Variants in RNF24 observed in about 807,000 individuals in gnomAD.
RNF24 encodes ring finger protein 24.
RNF24 carries 14 observed loss-of-function variants against 20.0 expected under a neutral mutation model. That is an observed-to-expected ratio of 0.70 (90% CI 0.46 to 1.10). RNF24 has a LOEUF of 1.10. Ranked by LOEUF, RNF24 falls within the 50% of genes least tolerant of loss-of-function variation. The pLI is 0.00. For synonymous variants in RNF24, 45 were observed against 61.1 expected (o/e 0.74, Z 1.23); for missense variants, 124 against 177.6 (o/e 0.70, Z 1.71).
intron 1 of RNF24, among the ~76,000 whole-genome samples, chr20:4,012,775 T>C (rs958446966): frequency 2.6e-5 from 4 of 152,228 alleles, no homozygotes; most frequent in African/African-American, 9.6e-5. Context: ...GGTTCCTTTG[T>C]TGATATTAAA....
At position 3,928,833 on chromosome 20, in the gene RNF24, C is replaced by T. The variant is rs1387510862; in HGVS notation, c.*5230G>A. 7.2e-6 allele frequency: 1 copy of T among 139,294 alleles called. No homozygotes were observed. The highest frequency in any genetic ancestry group is 2.6e-5 in the African/African-American group (1 of 39,006). 8.6% of individuals were successfully genotyped at this position (139,294 alleles called of 1,614,324 possible). On this transcript the variant is annotated 3_prime_UTR_variant, in exon 6 of 6. Coordinates refer to ENST00000358395, the MANE Select transcript of RNF24 (RefSeq NM_001134337.3). ...GAAAACAAGGCATAAAGGGAAAATT[C>T]TGTAGGAAGCATTTTCTTTTCTTGT...
At position 3,933,279 on chromosome 20, in the gene RNF24, C is replaced by CT. The variant is rs1371773494; in HGVS notation, c.*783dup. The CT allele has an allele frequency of 5.0e-6, 2 of 397,784 alleles. No individual in the cohort carries two copies. The highest frequency in any genetic ancestry group is 8.8e-6 in the Non-Finnish European group (2 of 226,100). 24.6% of individuals were successfully genotyped at this position (397,784 alleles called of 1,614,324 possible). On this transcript the variant is annotated 3_prime_UTR_variant, in exon 6 of 6. Transcript: ENST00000358395. ...GGCAGTGGCAGTGGGCTCACAGCAG[C>CT]TACACTGGAACCACAGTGCACATGT... is the stretch of plus-strand genomic sequence containing the variant.
chr20:3,995,196 C>G (rs1382175113), intron 1 of RNF24, among the ~76,000 whole-genome samples: 1 of 152,148 alleles, frequency 6.6e-6, no homozygotes, highest in Non-Finnish European at 1.5e-5. Flanking sequence ...TACCCACATC[C>G]ACCTCTGGGG....
intron 1 of RNF24, among the ~76,000 whole-genome samples, chr20:3,976,998 A>T (rs1978921622): frequency 6.6e-6 from 1 of 152,198 alleles, no homozygotes; most frequent in East Asian, 1.9e-4. Flanking sequence ...TTAAAATAAA[A>T]ATTTTAATTA....
intron 1 of RNF24, among the ~76,000 whole-genome samples, chr20:4,009,889 A>G (rs745519745): frequency 3.9e-5 from 6 of 152,192 alleles, no homozygotes; most frequent in Non-Finnish European, 7.3e-5. Flanking sequence ...TGTTTTAAAA[A>G]TATGTATCCA....
intron 3 of RNF24, among the ~76,000 whole-genome samples, chr20:3,947,839 G>C (rs2091037080): frequency 6.6e-6 from 1 of 152,166 alleles, no homozygotes; most frequent in Admixed American, 6.5e-5. Context: ...CTGAGGTCCA[G>C]AGTTCGAGAC....
intron 4 of RNF24, 132 bp downstream of exon 4, chr20:3,945,045 G>T: frequency 8.4e-7 from 1 of 1,190,886 alleles, no homozygotes. Flanking sequence ...ACCTCACCCT[G>T]AAATATTCTA....
At chr20:3,982,715 T>C (rs2147030438) in intron 1 of RNF24, among the ~76,000 whole-genome samples, 1 of 152,192 alleles carries the variant, frequency 6.6e-6, no homozygotes, top group African/African-American at 2.4e-5. Context: ...AGGGAGACCC[T>C]GTCTCTACAA....
intron 1 of RNF24, among the ~76,000 whole-genome samples, chr20:3,993,680 T>C (rs1980639813): frequency 6.6e-6 from 1 of 152,188 alleles, no homozygotes; most frequent in Non-Finnish European, 1.5e-5. Context: ...AGGGTTAGAA[T>C]GGATACACAA....
intron 2 of RNF24, among the ~76,000 whole-genome samples, chr20:3,961,348 C>A (rs1005262478): frequency 6.6e-6 from 1 of 151,176 alleles, no homozygotes; most frequent in African/African-American, 2.4e-5. Flanking sequence ...CTTTGGTGAG[C>A]CTCATGTCAC....
intron 1 of RNF24, among the ~76,000 whole-genome samples, chr20:3,964,378 C>G (rs532969028): frequency 6.6e-6 from 1 of 152,056 alleles, no homozygotes; most frequent in African/African-American, 2.4e-5. Context: ...AACTCTTTAG[C>G]CTTTAACCTA....
intron 4 of RNF24, 44 bp from the exon 5 acceptor site, chr20:3,935,117 C>A: frequency 6.4e-7 from 1 of 1,555,092 alleles, no homozygotes; most frequent in East Asian, 2.2e-5. Context: ...CTGTTAAGTA[C>A]CCTCCCAGGT....
intron 1 of RNF24, among the ~76,000 whole-genome samples, chr20:3,986,106 A>G (rs1979876949): frequency 6.6e-6 from 1 of 152,046 alleles, no homozygotes; most frequent in South Asian, 2.1e-4. Flanking sequence ...AAATCATTCT[A>G]TTAGATCTTT....
intron 2 of RNF24, among the ~76,000 whole-genome samples, chr20:3,960,939 G>A (rs901324598): frequency 3.5e-4 from 53 of 152,050 alleles, no homozygotes; most frequent in Admixed American, 2.6e-3. Context: ...GACTACAGGC[G>A]TGTGCCACCA....
chr20:3,978,493 T>C (rs1260538059), intron 1 of RNF24, among the ~76,000 whole-genome samples: 1 of 152,128 alleles, frequency 6.6e-6, no homozygotes, highest in African/African-American at 2.4e-5. Context: ...TACCAAAATA[T>C]CATGTGCCCC....
intron 4 of RNF24, among the ~76,000 whole-genome samples, chr20:3,939,233 AGC>A (rs2090926784): frequency 6.6e-6 from 1 of 152,040 alleles, no homozygotes; most frequent in Non-Finnish European, 1.5e-5. Flanking sequence ...GACTCAAGGG[AGC>A]TTCCCCCTCA....
At chr20:3,987,059 C>T (rs1272780249) in intron 1 of RNF24, among the ~76,000 whole-genome samples, 1 of 152,180 alleles carries the variant, frequency 6.6e-6, no homozygotes, top group Non-Finnish European at 1.5e-5. Context: ...AGGCGTAAGC[C>T]ACAACTCCCA....
At chr20:3,966,226 T>C (rs983042859) in intron 1 of RNF24, among the ~76,000 whole-genome samples, 8 of 145,288 alleles carry the variant, frequency 5.5e-5, no homozygotes, top group Non-Finnish European at 1.2e-4. Context: ...TGACAGAAAG[T>C]GGTATGGTAG....
chr20:3,972,659 G>T (rs6084533), intron 1 of RNF24, among the ~76,000 whole-genome samples: 3 of 152,002 alleles, frequency 2.0e-5, no homozygotes, highest in Non-Finnish European at 4.4e-5. Flanking sequence ...CCAGCACTGT[G>T]GAGGGCCGAG....
Sources: gnomAD v4.1 joint callset for allele counts (sites outside exome capture counted in the v4.1 genomes callset) on GRCh38, gnomAD v4.1.1 for gene constraint, MANE v1.5 for transcripts, NCBI Gene and HGNC (gene_info 2026-07-23, HGNC 2026-07-21) for gene names.